The following SNX4 variants were observed in gnomAD, a reference collection of about 807,000 sequenced individuals.
SNX4 encodes the protein sorting nexin 4, also known as sorting nexin-4.
SNX4 carries 49 observed loss-of-function variants against 70.8 expected under a neutral mutation model. The observed-to-expected ratio is 0.69, with a 90% CI of 0.55 to 0.88. The LOEUF (loss-of-function observed/expected upper bound fraction) is 0.88. SNX4 is among the 40% of genes least tolerant of loss of function. The pLI is 0.00. For synonymous variants in SNX4, 206 were observed against 183.8 expected (o/e 1.12, Z -0.98); for missense variants, 528 against 544.8 (o/e 0.97, Z 0.31).
At chr3:125,486,483 G>A (rs1278337311) in intron 6 of SNX4, among the ~76,000 whole-genome samples, 2 of 152,054 alleles carry the variant, frequency 1.3e-5, no homozygotes, top group African/African-American at 2.4e-5. Context: ...GGAGATTGCC[G>A]GGCGTGGTGG....
At chr3:125,461,302 T>C (rs1933877246) in intron 9 of SNX4, among the ~76,000 whole-genome samples, 1 of 152,186 alleles carries the variant, frequency 6.6e-6, no homozygotes, top group Admixed American at 6.5e-5. Flanking sequence ...TACCCATCAG[T>C]GATGTTGTAA....
chr3:125,474,466 T>C (rs1934248694), intron 8 of SNX4, among the ~76,000 whole-genome samples: 1 of 151,636 alleles, frequency 6.6e-6, no homozygotes, highest in South Asian at 2.1e-4. Context: ...TATAGGCATG[T>C]GCCACCATGC....
intron 13 of SNX4, among the ~76,000 whole-genome samples, chr3:125,449,557 T>C (rs889546287): frequency 1.3e-5 from 2 of 152,140 alleles, no homozygotes; most frequent in Admixed American, 6.6e-5. Context: ...CTATATCACT[T>C]AGGCAAGAAA....
chr3:125,470,398 T>TA (rs1934134916), intron 8 of SNX4, among the ~76,000 whole-genome samples: 1 of 151,802 alleles, frequency 6.6e-6, no homozygotes, highest in African/African-American at 2.4e-5. Context: ...GAATGTATAA[T>TA]AATCATCTTC....
intron 1 of SNX4, among the ~76,000 whole-genome samples, chr3:125,512,900 T>C (rs1319530245): frequency 6.6e-6 from 1 of 152,138 alleles, no homozygotes; most frequent in Non-Finnish European, 1.5e-5. Flanking sequence ...GTAGCTGGGA[T>C]TACAGGTGTG....
chr3:125,508,279 A>G (rs1935092954), intron 1 of SNX4, among the ~76,000 whole-genome samples: 1 of 152,196 alleles, frequency 6.6e-6, no homozygotes, highest in Non-Finnish European at 1.5e-5. Context: ...TTGAAAATGA[A>G]GCATAAGGCC....
intron 2 of SNX4, among the ~76,000 whole-genome samples, chr3:125,501,218 T>C (rs908428097): frequency 2.0e-5 from 3 of 151,842 alleles, no homozygotes; most frequent in African/African-American, 7.3e-5. Flanking sequence ...TGATGTGGAG[T>C]AGGGAAGAAT....
At chr3:125,495,250 T>TTTTATATATATA (rs869243473) in intron 5 of SNX4, among the ~76,000 whole-genome samples, 1 of 38,166 alleles carries the variant, frequency 2.6e-5, no homozygotes, top group African/African-American at 6.6e-5. Flanking sequence ...CATTCTCTCT[T>TTTTATATATATA]TATATATATA....
intron 6 of SNX4, among the ~76,000 whole-genome samples, chr3:125,488,413 T>G (rs1434081647): frequency 1.3e-5 from 2 of 151,896 alleles, no homozygotes; most frequent in African/African-American, 4.8e-5. Context: ...AGGCAGAGGT[T>G]GCAGTGAGCA....
At chr3:125,452,849 C>A (rs1933611635) in intron 12 of SNX4, among the ~76,000 whole-genome samples, 1 of 151,970 alleles carries the variant, frequency 6.6e-6, no homozygotes, top group Admixed American at 6.6e-5. Flanking sequence ...AAACTCCTGA[C>A]CTCATGATCC....
intron 5 of SNX4, among the ~76,000 whole-genome samples, chr3:125,490,152 G>A (rs948846809): frequency 4.6e-5 from 7 of 151,620 alleles, no homozygotes; most frequent in African/African-American, 1.7e-4. Flanking sequence ...CTGCTTTAGA[G>A]TCTGCATCTA....
At chr3:125,493,785 A>G (rs1934715592) in intron 5 of SNX4, among the ~76,000 whole-genome samples, 1 of 152,022 alleles carries the variant, frequency 6.6e-6, no homozygotes, top group Non-Finnish European at 1.5e-5. Flanking sequence ...TAATCCCAGC[A>G]CTTTGGGAGG....
At chr3:125,448,074 T>C (rs1933471850) in intron 13 of SNX4, among the ~76,000 whole-genome samples, 1 of 152,034 alleles carries the variant, frequency 6.6e-6, no homozygotes, top group Non-Finnish European at 1.5e-5. Flanking sequence ...GAAAACTGAG[T>C]TAATTCATTT....
At chr3:125,468,602 T>C (rs1241952042) in intron 9 of SNX4, among the ~76,000 whole-genome samples, 2 of 152,106 alleles carry the variant, frequency 1.3e-5, no homozygotes, top group African/African-American at 2.4e-5. Flanking sequence ...TCCCAGCACT[T>C]TGGGAGGCCA....
At chr3:125,508,629 C>T (rs1476190700) in intron 1 of SNX4, among the ~76,000 whole-genome samples, 1 of 150,366 alleles carries the variant, frequency 6.7e-6, no homozygotes, top group Non-Finnish European at 1.5e-5. Flanking sequence ...GGTTTCAAAA[C>T]TTACTACAAA....
At chr3:125,513,967 C>T (rs1200594759) in intron 1 of SNX4, among the ~76,000 whole-genome samples, 1 of 151,970 alleles carries the variant, frequency 6.6e-6, no homozygotes, top group Non-Finnish European at 1.5e-5. Flanking sequence ...CTAGGGTCTG[C>T]TTCCTGGTTC....
chr3:125,476,563 C>T, intron 8 of SNX4, 132 bp downstream of exon 8: 1 of 645,354 alleles, frequency 1.5e-6, no homozygotes, highest in Non-Finnish European at 2.7e-6. Context: ...GAAAGAAACT[C>T]CATCTCAAAA....
At chr3:125,475,205 T>C (rs184387690) in intron 8 of SNX4, among the ~76,000 whole-genome samples, 25 of 152,334 alleles carry the variant, frequency 1.6e-4, no homozygotes, top group Admixed American at 1.3e-3. Context: ...CAAAGACATA[T>C]GGATAACCTA....
chr3:125,472,566 T>C (rs1934200204), intron 8 of SNX4, among the ~76,000 whole-genome samples: 1 of 152,196 alleles, frequency 6.6e-6, no homozygotes, highest in African/African-American at 2.4e-5. Context: ...ACAATGTAGA[T>C]TTTGCATGAA....
Sources: allele counts gnomAD v4.1 joint callset (sites outside exome capture counted in the v4.1 genomes callset), GRCh38; gene constraint gnomAD v4.1.1; transcripts MANE v1.5; gene names NCBI Gene and HGNC (gene_info 2026-07-23, HGNC 2026-07-21).